GPR176: variants seen among roughly 807,000 people sequenced by gnomAD.
GPR176 encodes G protein-coupled receptor 176.
A neutral mutation model predicts 35.4 loss-of-function variants in GPR176; 26 were observed. That is an observed-to-expected ratio of 0.74 (90% confidence interval 0.54 to 1.02). The LOEUF is 1.02. Among genes scored for constraint, GPR176 ranks in the 50% least tolerant of loss-of-function variants. The pLI is 0.00. For missense variants in GPR176, 597 were observed against 665.3 expected (o/e 0.90, Z 1.13); for synonymous variants, 278 against 271.3 (o/e 1.02, Z -0.24).
intron 1 of GPR176, chr15:39,813,139 T>G (rs1319746809): frequency 6.6e-6 from 1 of 152,244 alleles, no homozygotes; most frequent in Non-Finnish European, 1.5e-5. Context: ...ATATAAACTG[T>G]AATTCAATAT....
At chr15:39,863,031 T>A (rs2031670938) in intron 1 of GPR176, among the ~76,000 whole-genome samples, 2 of 152,044 alleles carry the variant, frequency 1.3e-5, no homozygotes, top group South Asian at 4.1e-4. Flanking sequence ...TAGGCCTAAC[T>A]AATGTGTGTG....
intron 1 of GPR176, among the ~76,000 whole-genome samples, chr15:39,913,247 T>C (rs963191734): frequency 4.6e-5 from 7 of 152,152 alleles, no homozygotes; most frequent in African/African-American, 1.2e-4. Flanking sequence ...GGTAAATTTA[T>C]AGAAACAGAA....
intron 1 of GPR176, among the ~76,000 whole-genome samples, chr15:39,853,110 G>T (rs1015554904): frequency 9.2e-5 from 14 of 152,246 alleles, no homozygotes; most frequent in Middle Eastern, 3.4e-3. Context: ...AGAGATATTT[G>T]CACACTCATG....
chr15:39,826,628 C>A (rs1377302583), intron 1 of GPR176, among the ~76,000 whole-genome samples: 3 of 152,222 alleles, frequency 2.0e-5, no homozygotes, highest in South Asian at 4.1e-4. Context: ...ATTAATGTAA[C>A]CTTTTCAAAT....
Position 39,800,568 on chromosome 15 carries a change from G to A in GPR176, c.*564C>T, listed in dbSNP as rs970965523. On this transcript the variant is annotated 3_prime_UTR_variant, in exon 3 of 3. Coordinates refer to ENST00000561100, the MANE Select transcript of GPR176 (RefSeq NM_007223.3). ...TTCCTTACCTACATCCCAATGAAAGGGACGAAGGGTATCAGGAGAAACAGT... is the reference window on the plus strand; with the variant it reads ...TTCCTTACCTACATCCCAATGAAAGAGACGAAGGGTATCAGGAGAAACAGT... 1.3e-5 allele frequency: 2 copies of A among 154,376 alleles called. No individual in the cohort carries two copies. The highest frequency in any genetic ancestry group is 1.4e-5 in the Non-Finnish European group (1 of 69,484). The allele number at this position is 154,376 out of a possible 1,614,324, so 9.6% of individuals were successfully genotyped here.
intron 1 of GPR176, chr15:39,909,871 C>T: frequency 1.0e-6 from 1 of 970,092 alleles, no homozygotes; most frequent in Non-Finnish European, 1.2e-6. Flanking sequence ...CTTTTAATTA[C>T]CTGTTGTATA....
chr15:39,821,924 G>C (rs1465932535), intron 1 of GPR176, among the ~76,000 whole-genome samples: 1 of 152,204 alleles, frequency 6.6e-6, no homozygotes. Context: ...GTAAACAATA[G>C]GACATGACAG....
chr15:39,889,098 T>C (rs2032773604), intron 1 of GPR176, among the ~76,000 whole-genome samples: 1 of 152,210 alleles, frequency 6.6e-6, no homozygotes, highest in African/African-American at 2.4e-5. Context: ...GAGTTTCCCA[T>C]GTAAGATAAG....
rs895137344 is a variant in GPR176, at chr15:39,876,107, T to C, written c.172+43748A>G. On this transcript the variant is annotated intron_variant, in intron 1 of 2. Transcript: ENST00000561100. ...TTGAGACTGCAGTGAGCCACGATCC[T>C]GCCACTGCACTCCAGCCTGGGTGAT... Among the ~76,000 whole-genome samples the C allele has an allele frequency of 1.1e-4, 17 of 151,834 alleles. 1 individual carries two copies. The highest frequency in any genetic ancestry group is 3.9e-4 in the Admixed American group (6 of 15,224).
At chr15:39,849,960 A>T (rs145328519) in intron 1 of GPR176, among the ~76,000 whole-genome samples, 2 of 127,514 alleles carry the variant, frequency 1.6e-5, no homozygotes, top group African/African-American at 5.8e-5. Context: ...CCTGTACAGG[A>T]TGTCACTGTA....
chr15:39,917,028 T>C (rs1441653748), intron 1 of GPR176, among the ~76,000 whole-genome samples: 1 of 152,190 alleles, frequency 6.6e-6, no homozygotes, highest in Non-Finnish European at 1.5e-5. Flanking sequence ...ATGCCTGTGA[T>C]CTCAGCACTT....
chr15:39,903,306 C>T (rs1422982324), intron 1 of GPR176, among the ~76,000 whole-genome samples: 2 of 152,124 alleles, frequency 1.3e-5, no homozygotes, highest in East Asian at 3.8e-4. Context: ...GCACGATGAC[C>T]TGAAATTATC....
At chr15:39,876,938 T>G (rs768917434) in intron 1 of GPR176, among the ~76,000 whole-genome samples, 3 of 152,154 alleles carry the variant, frequency 2.0e-5, no homozygotes, top group African/African-American at 7.2e-5. Context: ...CTTCTGTTCC[T>G]TCAAAGTAGT....
chr15:39,918,292 T>C lies in GPR176; in HGVS notation c.172+1563A>G, dbSNP rs1030182337. Among the ~76,000 whole-genome samples the C allele has an allele frequency of 5.3e-5, 8 of 152,320 alleles. No homozygotes were observed. The East Asian group carries it at 1.5e-3, about 29-fold the overall frequency. On this transcript the variant is annotated intron_variant, in intron 1 of 2. Transcript: ENST00000561100. ...AAATGTTTACGATTTGCTATGTCTT[T>C]TACATACATGTCCTGTCTTCTACTT...
At chr15:39,819,345 C>G in intron 1 of GPR176, among the ~76,000 whole-genome samples, 1 of 152,190 alleles carries the variant, frequency 6.6e-6, no homozygotes, top group Non-Finnish European at 1.5e-5. Flanking sequence ...TATTTCTCCC[C>G]TTGCATATTG....
Position 39,801,014 on chromosome 15 carries a change from G to T in GPR176, c.*118C>A. On this transcript the variant is annotated 3_prime_UTR_variant, in exon 3 of 3. Coordinates refer to ENST00000561100, the MANE Select transcript of GPR176 (RefSeq NM_007223.3). ...CATTCAAAAGCATCTGGCCCATATT[G>T]GAGGAATCAACTCACACTGAGTTGC... 3.6e-6 allele frequency: 3 copies of T among 825,050 alleles called. No homozygotes were observed. The highest frequency in any genetic ancestry group is 5.9e-6 in the Non-Finnish European group (3 of 510,908). The allele number at this position is 825,050 out of a possible 1,614,324, so 51.1% of individuals were successfully genotyped here. A position where few individuals can be genotyped will look rare whatever the true frequency, so the allele number is the denominator to read the frequency against.
intron 1 of GPR176, among the ~76,000 whole-genome samples, chr15:39,888,861 T>C (rs952106847): frequency 6.6e-6 from 1 of 152,286 alleles, no homozygotes; most frequent in East Asian, 1.9e-4. Context: ...AGGTAATTGT[T>C]TGCGATAAAC....
At chr15:39,802,479 G>A (rs919619724) in intron 2 of GPR176, among the ~76,000 whole-genome samples, 3 of 152,190 alleles carry the variant, frequency 2.0e-5, no homozygotes, top group African/African-American at 7.2e-5. Context: ...TTCCAAAGGA[G>A]CAGCAAACCT....
chr15:39,903,135 G>C (rs1224363036), intron 1 of GPR176, among the ~76,000 whole-genome samples: 1 of 152,172 alleles, frequency 6.6e-6, no homozygotes, highest in Non-Finnish European at 1.5e-5. Context: ...AAGTAGTCTA[G>C]GCTAAGCTAT....
Sources: gnomAD v4.1 joint callset for allele counts (sites outside exome capture counted in the v4.1 genomes callset) on GRCh38, gnomAD v4.1.1 for gene constraint, MANE v1.5 for transcripts, NCBI Gene and HGNC (gene_info 2026-07-23, HGNC 2026-07-21) for gene names.